Variants in MTX3 observed in about 807,000 individuals in gnomAD.
MTX3 encodes metaxin 3, also known as metaxin-3.
In MTX3, 27 loss-of-function variants were observed where a neutral mutation model predicts 42.5. The ratio of observed to expected loss-of-function variants is 0.64; its 90% CI spans 0.47 to 0.88. The LOEUF is 0.88. Ranked by LOEUF, MTX3 falls within the 40% of genes least tolerant of loss-of-function variation. MTX3 has a pLI of 0.00. For synonymous variants in MTX3, 144 were observed against 132.9 expected (o/e 1.08, Z -0.57); for missense variants, 378 against 367.0 (o/e 1.03, Z -0.25).
intron 6 of MTX3, among the ~76,000 whole-genome samples, 171 bp from the exon 7 acceptor site, chr5:79,987,278 TA>T (rs1561282719): frequency 6.6e-6 from 1 of 151,692 alleles, no homozygotes; most frequent in Non-Finnish European, 1.5e-5. Flanking sequence ...CTGTCTCTAC[TA>T]AAAATACAAA....
At position 79,981,750 on chromosome 5, in the gene MTX3, ATTTT is replaced by A. The variant is rs1197030120; in HGVS notation, c.*1930_*1933del. ...GTTGATATGGTTCTATAAATTTTTA[ATTTT>A]TTTAATTTAAATTTTTAAAATTTTT... is the stretch of plus-strand genomic sequence containing the variant. On this transcript the variant is annotated 3_prime_UTR_variant, in exon 9 of 9. Coordinates refer to ENST00000512528, the MANE Select transcript of MTX3 (RefSeq NM_001363818.2). 1 of 151,758 alleles carries A rather than the reference ATTTT, an allele frequency of 6.6e-6. No individual in the cohort carries two copies. Among genetic ancestry groups the A allele is most frequent in the African/African-American group, 2.4e-5 (1 of 41,418 alleles). The allele number at this position is 151,758 out of a possible 1,614,324, so 9.4% of individuals were successfully genotyped here. A position where few individuals can be genotyped will look rare whatever the true frequency, so the allele number is the denominator to read the frequency against.
chr5:79,977,907 G>A lies in MTX3; in HGVS notation c.*5777C>T, dbSNP rs1226588429. ...CACTTTTAAAGTACAGCCAGAAAAG[G>A]TTTGGAAAATTGTTCTGGAAATACA... On this transcript the variant is annotated 3_prime_UTR_variant, in exon 9 of 9. Coordinates refer to ENST00000512528, the MANE Select transcript of MTX3 (RefSeq NM_001363818.2). 6.6e-6 allele frequency: 1 copy of A among 152,170 alleles called. No homozygotes were observed. The highest frequency in any genetic ancestry group is 1.5e-5 in the Non-Finnish European group (1 of 68,044). The allele number at this position is 152,170 out of a possible 1,614,324, so 9.4% of individuals were successfully genotyped here.
In MTX3 at chr5:79,976,954, T is replaced by C. The variant is rs1831265654; in HGVS notation, c.*6730A>G. 1 of 152,496 alleles carries C rather than the reference T, an allele frequency of 6.6e-6. No individual in the cohort carries two copies. Among genetic ancestry groups the C allele is most frequent in the South Asian group, 2.1e-4 (1 of 4,834 alleles). The allele number at this position is 152,496 out of a possible 1,614,324, so 9.4% of individuals were successfully genotyped here. A position where few individuals can be genotyped will look rare whatever the true frequency, so the allele number is the denominator to read the frequency against. Reference sequence around the variant, plus strand: ...TTACTTTATAAAGAAGCTAGAGTAGTTGTGCAACTAGAACAGATGTTTTTA... The same window carrying C: ...TTACTTTATAAAGAAGCTAGAGTAGCTGTGCAACTAGAACAGATGTTTTTA... On this transcript the variant is annotated 3_prime_UTR_variant, in exon 9 of 9. Transcript: ENST00000512528.
chr5:79,980,619 A>C lies in MTX3; in HGVS notation c.*3065T>G, dbSNP rs1260685883. The stretch of plus-strand genomic sequence containing the variant: ...TGATTGATGGTAGTTTGTTCATGGA[A>C]GATCTTCATCTTATGGGAATTATCT... On this transcript the variant is annotated 3_prime_UTR_variant, in exon 9 of 9. Coordinates refer to ENST00000512528, the MANE Select transcript of MTX3 (RefSeq NM_001363818.2). The C allele has an allele frequency of 6.6e-6, 1 of 152,050 alleles. No individual in the cohort carries two copies. The highest frequency in any genetic ancestry group is 1.5e-5 in the Non-Finnish European group (1 of 68,014). 9.4% of individuals were successfully genotyped at this position (152,050 alleles called of 1,614,324 possible).
Position 79,990,176 on chromosome 5 carries a change from T to A in MTX3, c.212A>T (p.Asn71Ile). 1.9e-6 allele frequency: 3 copies of A among 1,609,222 alleles called. No individual in the cohort carries two copies. The highest frequency in any genetic ancestry group is 2.5e-6 in the Non-Finnish European group (3 of 1,177,580). The change falls in exon 3 of 9, where the codon AAC becomes ATC. Residue 71 changes from asparagine to isoleucine, a missense_variant. Transcript: ENST00000512528. Reference sequence around the variant, plus strand: ...ACCACCCACCTGTTTTCTTAAAAAGTTTAGTATTTTTGCTGGCTGAGAAAC... The same window carrying A: ...ACCACCCACCTGTTTTCTTAAAAAGATTAGTATTTTTGCTGGCTGAGAAAC... The part of the protein sequence containing the change: ...DMVSQPAKIL[N>I]FLRKQKYNAD...
chr5:79,988,367 C>G (rs1161606981), intron 5 of MTX3, 52 bp from the exon 6 acceptor site: 5 of 1,510,606 alleles, frequency 3.3e-6, no homozygotes, highest in Non-Finnish European at 4.5e-6. Context: ...TCTAAAACTA[C>G]TTTTGAGGAA....
At chr5:79,990,472 C>T in intron 2 of MTX3, 122 bp downstream of exon 2, 1 of 735,984 alleles carries the variant, frequency 1.4e-6, no homozygotes, top group African/African-American at 1.8e-5. Flanking sequence ...CCATAAACAA[C>T]ACAGAGCCAA....
rs142589283 is a variant in MTX3 at position 79,990,235 on chromosome 5, G to T, written c.153C>A (p.Gly51=). 2.5e-6 allele frequency: 4 copies of T among 1,602,428 alleles called. No individual in the cohort carries two copies. Among genetic ancestry groups the T allele is most frequent in the Non-Finnish European group, 3.4e-6 (4 of 1,173,650 alleles). ...CTTCAGTTGTCAAAATTGGTACATC[G>T]CCTATAATCAAAAAACAGTTTACAT... The part of the protein sequence containing the change: ...VIDNTWRGSR[G]DVPILTTEDD... The change falls in exon 3 of 9, where the codon GGC becomes GGA. Residue 51 remains glycine (G), a splice_region_variant and synonymous_variant. Transcript: ENST00000512528.
At position 79,988,606 on chromosome 5, in the gene MTX3, A is replaced by G. The variant is rs368773523; in HGVS notation, c.360T>C (p.Thr120=). The G allele has an allele frequency of 1.3e-5, 20 of 1,599,750 alleles. No individual in the cohort carries two copies. In the African/African-American group the frequency reaches 2.0e-4, roughly 16 times the overall value. The change falls in exon 5 of 9, where the codon ACT becomes ACC. Residue 120 remains threonine, a synonymous_variant. Transcript: ENST00000512528. ...TFWVESDNYF[T]VTKPWFASQI... ...GTGAAGCAAACCATGGCTTTGTCAC[A>G]GTAAAGTAATTGTCACTCTCAACCC...
chr5:79,990,547 A>C (rs748570599), intron 2 of MTX3, 47 bp downstream of exon 2: 36 of 1,235,224 alleles, frequency 2.9e-5, no homozygotes, highest in South Asian at 1.5e-5. Context: ...AAATGGAAGA[A>C]GAAAAAAAAG....
intron 7 of MTX3, chr5:79,986,742 A>T (rs1235862310): frequency 1.7e-6 from 1 of 595,326 alleles, no homozygotes. Flanking sequence ...AGCGGAATAG[A>T]TAAAAGGCAA....
rs1216711078 is a variant in MTX3 at position 79,987,041 on chromosome 5, T to G, written c.648A>C (p.Lys216Asn). 10 of 1,613,784 alleles carry G rather than the reference T, an allele frequency of 6.2e-6. No homozygotes were observed. The highest frequency in any genetic ancestry group is 8.5e-6 in the Non-Finnish European group (10 of 1,179,852). Reference sequence around the variant, plus strand: ...GTTTCAGATGTTCTTGTAGCTGAACTTTAGGAAACCGTACTTTGTAAAGAG... The same window carrying G: ...GTTTCAGATGTTCTTGTAGCTGAACGTTAGGAAACCGTACTTTGTAAAGAG... The part of the protein sequence containing the change: ...LAPLYKVRFP[K>N]VQLQEHLKQL... Residue 216 changes from lysine (K) to asparagine (N), a missense_variant, in exon 7 of 9, where the codon AAA (lysine) becomes AAC (asparagine). Physicochemically the swap from Lys to Asn is moderately conservative, Grantham distance 94. Transcript: ENST00000512528.
intron 3 of MTX3, 76 bp downstream of exon 3, chr5:79,990,084 A>T: frequency 1.1e-6 from 1 of 887,138 alleles, no homozygotes. Context: ...GCAAAAAAAA[A>T]TAAATAAATA....
intron 8 of MTX3, among the ~76,000 whole-genome samples, chr5:79,984,731 C>T (rs1038786710): frequency 1.3e-4 from 20 of 152,082 alleles, no homozygotes; most frequent in Non-Finnish European, 2.2e-4. Flanking sequence ...GTTCTCTCCC[C>T]TACCCAGTTC....
In MTX3 at chr5:79,980,556, G is replaced by T. The variant is rs1343617894; in HGVS notation, c.*3128C>A. 2 of 110,342 alleles carry T rather than the reference G, an allele frequency of 1.8e-5. No homozygotes were observed. The highest frequency in any genetic ancestry group is 1.9e-4 in the Admixed American group (2 of 10,408). The allele number at this position is 110,342 out of a possible 1,614,324, so 6.8% of individuals were successfully genotyped here. ...TTCAATGTTCTTTACAGCTTCTTTA[G>T]TGTTACTTAAAAAAAAAAAAAAAAT... On this transcript the variant is annotated 3_prime_UTR_variant, in exon 9 of 9. Coordinates refer to ENST00000512528, the MANE Select transcript of MTX3 (RefSeq NM_001363818.2).
chr5:79,984,880 C>T (rs1012670328), intron 8 of MTX3, among the ~76,000 whole-genome samples: 1 of 152,174 alleles, frequency 6.6e-6, no homozygotes, highest in Non-Finnish European at 1.5e-5. Flanking sequence ...AAGAAAAGAA[C>T]ACGGTGCTGT....
At position 79,991,206 on chromosome 5, in the gene MTX3, T is replaced by C; in HGVS notation, c.33A>G (p.Gly11=). 1 of 1,481,242 alleles carries C rather than the reference T, an allele frequency of 6.8e-7. No individual in the cohort carries two copies. Among genetic ancestry groups the C allele is most frequent in the African/African-American group, 1.4e-5 (1 of 71,166 alleles). 91.8% of individuals were successfully genotyped at this position (1,481,242 alleles called of 1,614,324 possible). A position where few individuals can be genotyped will look rare whatever the true frequency, so the allele number is the denominator to read the frequency against. Residue 11 remains glycine, a synonymous_variant, in exon 1 of 9, where the codon GGA becomes GGG. Coordinates refer to ENST00000512528, the MANE Select transcript of MTX3 (RefSeq NM_001363818.2). ...GAACCGATGGGAGTCCCCAGCCGCC[T>C]CCCCAGCAACTGAGTTCCAAGGGGG... MAAPLELSCW[G]GGWGLPSVHS... is the part of the protein sequence containing the mutation.
At chr5:79,990,935 C>A in intron 1 of MTX3, 1 of 714,190 alleles carries the variant, frequency 1.4e-6, no homozygotes, top group Non-Finnish European at 2.5e-6. Context: ...GTGAGGCGGA[C>A]AAAACTCGGA....
chr5:79,988,432 C>A, intron 5 of MTX3, 30 bp downstream of exon 5: 3 of 1,593,976 alleles, frequency 1.9e-6, no homozygotes, highest in Non-Finnish European at 2.6e-6. Flanking sequence ...CTCTCTAGGG[C>A]CCTTGCTTGA....
Sources: gnomAD v4.1 joint callset for allele counts (sites outside exome capture counted in the v4.1 genomes callset) on GRCh38, gnomAD v4.1.1 for gene constraint, MANE v1.5 for transcripts, NCBI Gene and HGNC (gene_info 2026-07-23, HGNC 2026-07-21) for gene names.